The following HYDIN variants were observed in gnomAD, a reference collection of about 807,000 sequenced individuals.
HYDIN encodes the protein HYDIN axonemal central pair apparatus protein.
HYDIN carries 132 observed loss-of-function variants against 403.9 expected under a neutral mutation model. The observed-to-expected ratio is 0.33, with a 90% CI of 0.28 to 0.38. The LOEUF is 0.38. HYDIN is among the 10% of genes least tolerant of loss of function. HYDIN has a pLI of 1.00. For synonymous variants in HYDIN, 1,202 were observed against 1,891.7 expected (o/e 0.64, Z 9.46); for missense variants, 2,827 against 5,009.5 (o/e 0.56, Z 13.15).
At chr16:71,173,893 TAAG>T (rs745450864) in intron 5 of HYDIN, among the ~76,000 whole-genome samples, 2 of 152,084 alleles carry the variant, frequency 1.3e-5, no homozygotes, top group African/African-American at 2.4e-5. Flanking sequence ...AGAAAAAAAC[TAAG>T]GAAAGCCACC....
In HYDIN at chr16:71,157,088, T is replaced by G. The variant is rs575342075; in HGVS notation, c.717-4305A>C. The stretch of plus-strand genomic sequence containing the variant: ...TAAACATTTATTGGGTGTTTATTTA[T>G]TCTAGACAGATGCTGGGGACATACA... On this transcript the variant is annotated intron_variant, in intron 6 of 85. Coordinates refer to ENST00000393567, the MANE Select transcript of HYDIN (RefSeq NM_001270974.2). Among the ~76,000 whole-genome samples the G allele has an allele frequency of 4.0e-5, 6 of 148,942 alleles. No individual in the cohort carries two copies. In the South Asian group the frequency reaches 1.3e-3, roughly 33 times the overall value.
intron 1 of HYDIN, among the ~76,000 whole-genome samples, chr16:71,202,998 G>A (rs1473559931): frequency 2.6e-5 from 4 of 152,186 alleles, no homozygotes; most frequent in Non-Finnish European, 5.9e-5. Context: ...TCCCTTGAAT[G>A]ATGGCCAGAT....
In HYDIN at chr16:70,835,289, C is replaced by T. The variant is rs549196387; in HGVS notation, c.13401+387G>A. Among the ~76,000 whole-genome samples, 137 of 152,148 alleles carry T rather than the reference C, an allele frequency of 9.0e-4. 1 individual carries two copies. The highest frequency in any genetic ancestry group is 3.2e-3 in the African/African-American group (133 of 41,508). ...GGGATTACAGGCGTGAGCCACTACG[C>T]CCAGCCTAGGAATGTATCTTAAGCA... On this transcript the variant is annotated intron_variant, in intron 78 of 85. Coordinates refer to ENST00000393567, the MANE Select transcript of HYDIN (RefSeq NM_001270974.2).
At chr16:70,832,012 A>AT (rs1259287077) in intron 80 of HYDIN, among the ~76,000 whole-genome samples, 1 of 143,234 alleles carries the variant, frequency 7.0e-6, no homozygotes, top group East Asian at 2.0e-4. Context: ...CTAATTAAAA[A>AT]TAAACAGAAG....
chr16:70,867,252 A>G lies in HYDIN; in HGVS notation c.11311-923T>C, dbSNP rs1428853905. Among the ~76,000 whole-genome samples the G allele has an allele frequency of 4.0e-5, 6 of 148,680 alleles. No homozygotes were observed. The East Asian group carries it at 9.7e-4, about 24-fold the overall frequency. On this transcript the variant is annotated intron_variant, in intron 66 of 85. Coordinates refer to ENST00000393567, the MANE Select transcript of HYDIN (RefSeq NM_001270974.2). ...TCAGCCTTATTTGTGATCAGAGATCAGGACAATGCAAAATAGGCTCGTAAT... is the reference window on the plus strand; with the variant it reads ...TCAGCCTTATTTGTGATCAGAGATCGGGACAATGCAAAATAGGCTCGTAAT...
At chr16:70,979,543 T>C (rs932837978) in intron 29 of HYDIN, among the ~76,000 whole-genome samples, 11 of 152,044 alleles carry the variant, frequency 7.2e-5, no homozygotes, top group Non-Finnish European at 1.5e-4. Flanking sequence ...TCAGGGAGGG[T>C]AGGTAATCGG....
chr16:71,014,528 T>C (rs578223125), intron 23 of HYDIN, among the ~76,000 whole-genome samples: 6 of 151,848 alleles, frequency 4.0e-5, no homozygotes, highest in African/African-American at 1.5e-4. Context: ...GATGAGTGCA[T>C]CACCCTCCCC....
intron 45 of HYDIN, among the ~76,000 whole-genome samples, chr16:70,922,521 C>G: frequency 6.6e-6 from 1 of 152,086 alleles, no homozygotes; most frequent in Non-Finnish European, 1.5e-5. Context: ...CAGCAAGGCT[C>G]CACAGATGCA....
At chr16:71,038,686 A>T (rs963906335) in intron 18 of HYDIN, among the ~76,000 whole-genome samples, 6 of 152,302 alleles carry the variant, frequency 3.9e-5, no homozygotes, top group Non-Finnish European at 8.8e-5. Flanking sequence ...TTTGAGAAGA[A>T]GTCTCACTCT....
At chr16:71,183,607 T>C (rs1478363803) in intron 3 of HYDIN, among the ~76,000 whole-genome samples, 1 of 152,036 alleles carries the variant, frequency 6.6e-6, no homozygotes, top group Non-Finnish European at 1.5e-5. Context: ...ATAGGGAAAA[T>C]GCCTGCAAAG....
At chr16:71,053,282 G>A (rs1355543645) in intron 18 of HYDIN, among the ~76,000 whole-genome samples, 1 of 152,240 alleles carries the variant, frequency 6.6e-6, no homozygotes, top group African/African-American at 2.4e-5. Flanking sequence ...TAATGAGGTT[G>A]AAAATGTACC....
At chr16:70,846,478 G>C (rs1411528226) in intron 75 of HYDIN, among the ~76,000 whole-genome samples, 1 of 148,804 alleles carries the variant, frequency 6.7e-6, no homozygotes, top group South Asian at 2.2e-4. Context: ...GGTCAATTTT[G>C]GAATAGGTGT....
chr16:70,980,846 G>T (rs1363977490), intron 29 of HYDIN, among the ~76,000 whole-genome samples: 1 of 152,198 alleles, frequency 6.6e-6, no homozygotes, highest in East Asian at 1.9e-4. Context: ...TGCCAAGACA[G>T]AAATATTCTG....
chr16:71,221,722 AATAG>A (rs2089209815), intron 1 of HYDIN, among the ~76,000 whole-genome samples: 1 of 152,260 alleles, frequency 6.6e-6, no homozygotes, highest in African/African-American at 2.4e-5. Flanking sequence ...TAGAAAATAA[AATAG>A]ATAAATTACA....
At chr16:70,942,236 A>T (rs1165178375) in intron 42 of HYDIN, among the ~76,000 whole-genome samples, 8 of 150,554 alleles carry the variant, frequency 5.3e-5, no homozygotes, top group African/African-American at 2.0e-4. Flanking sequence ...TGTTGACCAG[A>T]TTAGTCTCGA....
At chr16:71,042,428 A>C in intron 18 of HYDIN, among the ~76,000 whole-genome samples, 1 of 152,056 alleles carries the variant, frequency 6.6e-6, no homozygotes, top group East Asian at 1.9e-4. Flanking sequence ...ATGGTAAATA[A>C]TAATAGCTTT....
intron 45 of HYDIN, among the ~76,000 whole-genome samples, chr16:70,925,422 A>T (rs113600467): frequency 1.3e-5 from 2 of 152,216 alleles, no homozygotes; most frequent in African/African-American, 4.8e-5. Flanking sequence ...AGGTTTGTCA[A>T]CTGGATCCCT....
chr16:70,811,133 A>G (rs915518380), intron 84 of HYDIN, among the ~76,000 whole-genome samples: 17 of 152,172 alleles, frequency 1.1e-4, no homozygotes, highest in African/African-American at 4.1e-4. Context: ...ACTAGTTCTT[A>G]TTGAAAAATA....
chr16:70,971,565 T>C (rs1597443875), intron 35 of HYDIN, among the ~76,000 whole-genome samples: 3 of 152,298 alleles, frequency 2.0e-5, no homozygotes, highest in South Asian at 4.1e-4. Context: ...TAGGTTATTC[T>C]GGTATAGCTG....
Sources: allele counts gnomAD v4.1 joint callset (sites outside exome capture counted in the v4.1 genomes callset), GRCh38; gene constraint gnomAD v4.1.1; transcripts MANE v1.5; gene names NCBI Gene and HGNC (gene_info 2026-07-23, HGNC 2026-07-21).